The following DNAH14 variants were observed in gnomAD, a reference collection of about 807,000 sequenced individuals.
DNAH14 encodes the protein axonemal beta dynein heavy chain 14.
DNAH14 carries 478 observed loss-of-function variants against 520.9 expected under a neutral mutation model. The observed-to-expected ratio is 0.92, with a 90% confidence interval of 0.85 to 0.99. The LOEUF (loss-of-function observed/expected upper bound fraction) is 0.99. DNAH14 is among the 50% of genes least tolerant of loss of function. DNAH14 has a pLI of 0.00. For synonymous variants in DNAH14, 1,581 were observed against 1,757.2 expected (o/e 0.90, Z 2.51); for missense variants, 4,831 against 5,234.5 (o/e 0.92, Z 2.38).
intron 76 of DNAH14, among the ~76,000 whole-genome samples, chr1:225,366,814 C>CT (rs2095558352): frequency 6.6e-6 from 1 of 151,994 alleles, no homozygotes; most frequent in Non-Finnish European, 1.5e-5. Flanking sequence ...CTCTTTTCCC[C>CT]GAGAAGATTT....
intron 81 of DNAH14, among the ~76,000 whole-genome samples, chr1:225,385,718 C>A (rs2095833535): frequency 6.6e-6 from 1 of 152,062 alleles, no homozygotes; most frequent in Non-Finnish European, 1.5e-5. Context: ...CACTGCTCAA[C>A]AACATAAAAG....
chr1:225,372,265 A>C (rs1443186795), intron 77 of DNAH14, among the ~76,000 whole-genome samples: 1 of 152,222 alleles, frequency 6.6e-6, no homozygotes, highest in Non-Finnish European at 1.5e-5. Context: ...CAGATGCTGA[A>C]GAATAAGCTA....
intron 17 of DNAH14, among the ~76,000 whole-genome samples, chr1:225,062,875 C>T (rs1157053249): frequency 6.6e-6 from 1 of 151,972 alleles, no homozygotes; most frequent in East Asian, 1.9e-4. Context: ...AAATGAAAGA[C>T]AACACTCTTT....
At chr1:225,040,361 A>C (rs757181248) in intron 12 of DNAH14, among the ~76,000 whole-genome samples, 2 of 152,378 alleles carry the variant, frequency 1.3e-5, no homozygotes, top group African/African-American at 4.8e-5. Context: ...AAATATATGC[A>C]TCGAAATATT....
At chr1:224,946,823 T>C (rs2059865882) in intron 1 of DNAH14, among the ~76,000 whole-genome samples, 1 of 151,778 alleles carries the variant, frequency 6.6e-6, no homozygotes, top group Non-Finnish European at 1.5e-5. Context: ...TAATTTCATT[T>C]TTTTCCCCTT....
intron 36 of DNAH14, among the ~76,000 whole-genome samples, chr1:225,170,341 C>A (rs1408894234): frequency 6.6e-6 from 1 of 152,156 alleles, no homozygotes; most frequent in African/African-American, 2.4e-5. Flanking sequence ...GATAAAGAGT[C>A]AAGACCCATC....
chr1:225,339,573 G>C (rs1310694079), intron 68 of DNAH14, among the ~76,000 whole-genome samples: 1 of 152,136 alleles, frequency 6.6e-6, no homozygotes, highest in African/African-American at 2.4e-5. Context: ...TAATTTGCTT[G>C]ATTAAGTAAC....
chr1:225,206,436 C>A (rs1165081115), intron 40 of DNAH14, among the ~76,000 whole-genome samples: 1 of 152,084 alleles, frequency 6.6e-6, no homozygotes, highest in Non-Finnish European at 1.5e-5. Context: ...AACAAATAGA[C>A]AGGTTAGACT....
At chr1:225,385,422 A>G (rs1256636678) in intron 81 of DNAH14, among the ~76,000 whole-genome samples, 1 of 152,224 alleles carries the variant, frequency 6.6e-6, no homozygotes, top group East Asian at 1.9e-4. Flanking sequence ...TCAATTAGGA[A>G]AAGAGGAAGT....
intron 55 of DNAH14, among the ~76,000 whole-genome samples, chr1:225,300,652 C>T (rs1369342599): frequency 6.6e-6 from 1 of 151,816 alleles, no homozygotes; most frequent in Non-Finnish European, 1.5e-5. Flanking sequence ...ATGCAGTGAG[C>T]CATGACTATG....
At chr1:225,342,629 T>C (rs191865233) in intron 69 of DNAH14, among the ~76,000 whole-genome samples, 1 of 152,084 alleles carries the variant, frequency 6.6e-6, no homozygotes, top group East Asian at 1.9e-4. Context: ...CCAGTAAAGG[T>C]AAATTTACTA....
rs182755675 is a variant in DNAH14 at position 225,277,610 on chromosome 1, T to A, written c.8271+108T>A. 3.8e-4 allele frequency: 155 copies of A among 410,912 alleles called. 1 individual carries two copies. The East Asian group carries it at 9.3e-3, about 25-fold the overall frequency. 25.5% of individuals were successfully genotyped at this position (410,912 alleles called of 1,614,324 possible). ...TTATTTAGCCACACTTTGTGAAAAA[T>A]CACAATAACTGAGTCATAGGGCAGG... On this transcript the variant is annotated intron_variant, in intron 54 of 85. Coordinates refer to ENST00000682510, the MANE Select transcript of DNAH14 (RefSeq NM_001367479.1).
At chr1:225,198,800 C>T (rs1436012909) in intron 38 of DNAH14, among the ~76,000 whole-genome samples, 1 of 151,988 alleles carries the variant, frequency 6.6e-6, no homozygotes, top group African/African-American at 2.4e-5. Flanking sequence ...CTGTAGTTTT[C>T]TTTTTTGGTT....
Position 225,079,542 on chromosome 1 carries a change from A to C in DNAH14, c.2760A>C (p.Lys920Asn). The C allele has an allele frequency of 6.6e-7, 1 of 1,506,136 alleles. No homozygotes were observed. The highest frequency in any genetic ancestry group is 8.8e-7 in the Non-Finnish European group (1 of 1,135,158). The allele number at this position is 1,506,136 out of a possible 1,614,324, so 93.3% of individuals were successfully genotyped here. A position where few individuals can be genotyped will look rare whatever the true frequency, so the allele number is the denominator to read the frequency against. The change falls in exon 18 of 86, where the codon AAA becomes AAC. Residue 920 changes from lysine (K) to asparagine (N), a missense_variant. Coordinates refer to ENST00000682510, the MANE Select transcript of DNAH14 (RefSeq NM_001367479.1). ...SGLHVDVGNL[K>N]AKIRTPLLLC... Reference sequence around the variant, plus strand: ...TACATGTTGATGTTGGCAATTTAAAAGCCAAGGTAAGTTTTTAGGGTTTTT... The same window carrying C: ...TACATGTTGATGTTGGCAATTTAAACGCCAAGGTAAGTTTTTAGGGTTTTT...
At chr1:224,946,663 A>C (rs1244043568) in intron 1 of DNAH14, among the ~76,000 whole-genome samples, 1 of 152,144 alleles carries the variant, frequency 6.6e-6, no homozygotes, top group Non-Finnish European at 1.5e-5. Flanking sequence ...TTGGAATTTC[A>C]TATTATATTC....
intron 7 of DNAH14, chr1:224,969,283 C>A (rs977837731): frequency 5.8e-6 from 1 of 171,018 alleles, no homozygotes; most frequent in Non-Finnish European, 1.2e-5. Context: ...CTACAGTTGA[C>A]TCTGGAACAA....
intron 58 of DNAH14, among the ~76,000 whole-genome samples, chr1:225,305,949 T>G (rs955557259): frequency 1.3e-5 from 2 of 152,220 alleles, no homozygotes; most frequent in Admixed American, 6.5e-5. Context: ...ACTTGGAGGA[T>G]AGACCACAGC....
Position 225,304,932 on chromosome 1 carries a change from A to ACATGTGTC in DNAH14, c.8851_8858dup (p.Gln2953HisfsTer9). 1 of 1,519,358 alleles carries ACATGTGTC rather than the reference A, an allele frequency of 6.6e-7. No individual in the cohort carries two copies. Among genetic ancestry groups the ACATGTGTC allele is most frequent in the Non-Finnish European group, 8.8e-7 (1 of 1,139,620 alleles). 94.1% of individuals were successfully genotyped at this position (1,519,358 alleles called of 1,614,324 possible). ...GAACTTGAAAGAAAAACTTGCCCCA[A>ACATGTGTC]CATGTGTCCAAATCCACAAAAGCAT... On this transcript the variant is annotated frameshift_variant, in exon 58 of 86. Transcript: ENST00000682510. LOFTEE classifies it high-confidence loss of function.
At chr1:225,351,266 C>T (rs988612695) in intron 71 of DNAH14, among the ~76,000 whole-genome samples, 1 of 152,058 alleles carries the variant, frequency 6.6e-6, no homozygotes, top group Non-Finnish European at 1.5e-5. Flanking sequence ...TGGCACACAC[C>T]TATAATCCCA....
Sources: allele counts gnomAD v4.1 joint callset (sites outside exome capture counted in the v4.1 genomes callset), GRCh38; gene constraint gnomAD v4.1.1; transcripts MANE v1.5; gene names NCBI Gene and HGNC (gene_info 2026-07-23, HGNC 2026-07-21).